ZFYVE27: variants seen among roughly 807,000 people sequenced by gnomAD.
The protein encoded by ZFYVE27 is zinc finger FYVE-type containing 27.
Under a neutral mutation model 52.8 loss-of-function variants are expected in ZFYVE27, and 36 were observed. The observed-to-expected ratio is 0.68, with a 90% CI of 0.52 to 0.90. ZFYVE27 has a LOEUF of 0.90. Among genes scored for constraint, ZFYVE27 ranks in the 40% least tolerant of loss-of-function variants. The pLI is 0.00. For missense variants in ZFYVE27, 450 were observed against 527.2 expected, an observed-to-expected ratio of 0.85 and a Z score of 1.43; for synonymous variants, 223 against 215.6, an observed-to-expected ratio of 1.03 and a Z score of -0.30.
At chr10:97,741,884 A>G (rs2043756450) in intron 2 of ZFYVE27, among the ~76,000 whole-genome samples, 1 of 152,158 alleles carries the variant, frequency 6.6e-6, no homozygotes, top group African/African-American at 2.4e-5. Context: ...TAATCCCAGC[A>G]CTTTGGGAGG....
chr10:97,757,891 A>G (rs2048791211), intron 12 of ZFYVE27, 168 bp downstream of exon 12: 7 of 617,860 alleles, frequency 1.1e-5, no homozygotes, highest in South Asian at 5.8e-5. Context: ...CATTTGGTAC[A>G]TGCCGAAGAA....
chr10:97,757,816 G>A (rs2048758372), intron 12 of ZFYVE27, 93 bp downstream of exon 12: 1 of 1,334,380 alleles, frequency 7.5e-7, no homozygotes, highest in Non-Finnish European at 1.1e-6. Flanking sequence ...GAGGTCAAGG[G>A]AACTTGGGAT....
chr10:97,748,726 T>C (rs2046140025), intron 5 of ZFYVE27, among the ~76,000 whole-genome samples: 1 of 152,242 alleles, frequency 6.6e-6, no homozygotes, highest in Non-Finnish European at 1.5e-5. Context: ...TATCATTATA[T>C]TAAAGATGAT....
In ZFYVE27 at chr10:97,760,126, C is replaced by T. The variant is rs1241168541; in HGVS notation, c.*826C>T. The T allele has an allele frequency of 2.0e-5, 3 of 152,434 alleles. No individual in the cohort carries two copies. The highest frequency in any genetic ancestry group is 7.2e-5 in the African/African-American group (3 of 41,478). The allele number at this position is 152,434 out of a possible 1,614,324, so 9.4% of individuals were successfully genotyped here. ...TGCACCCTCTGTCCAGAGTCTAGGG[C>T]AGTCCTCCACTGGCCCAGCACTCCA... On this transcript the variant is annotated 3_prime_UTR_variant, in exon 13 of 13. Coordinates refer to ENST00000684270, the MANE Select transcript of ZFYVE27 (RefSeq NM_001385875.1).
chr10:97,745,703 A>G (rs2045113749), intron 4 of ZFYVE27, among the ~76,000 whole-genome samples: 1 of 152,346 alleles, frequency 6.6e-6, no homozygotes, highest in East Asian at 1.9e-4. Context: ...GTACTGGGGA[A>G]GTGTTGAGTA....
chr10:97,749,711 A>C, intron 6 of ZFYVE27, 125 bp downstream of exon 6: 1 of 770,118 alleles, frequency 1.3e-6, no homozygotes, highest in Non-Finnish European at 2.3e-6. Context: ...GCAACACCAC[A>C]CTGGGGTCCT....
At chr10:97,749,363 T>C in intron 5 of ZFYVE27, 111 bp from the exon 6 acceptor site, 1 of 815,396 alleles carries the variant, frequency 1.2e-6, no homozygotes, top group Non-Finnish European at 2.2e-6. Context: ...TGTCAGTTTA[T>C]TAATGTGCCC....
intron 4 of ZFYVE27, among the ~76,000 whole-genome samples, chr10:97,747,733 T>C (rs2045851122): frequency 6.6e-6 from 1 of 152,194 alleles, no homozygotes; most frequent in Non-Finnish European, 1.5e-5. Context: ...TATACTTCCC[T>C]GCCCCAGCCC....
intron 2 of ZFYVE27, among the ~76,000 whole-genome samples, chr10:97,741,024 G>A (rs1589995718): frequency 6.6e-6 from 1 of 152,200 alleles, no homozygotes; most frequent in Non-Finnish European, 1.5e-5. Flanking sequence ...TACCCTGGTA[G>A]CTGCCACTAG....
At position 97,748,365 on chromosome 10, in the gene ZFYVE27, G is replaced by A. The variant is rs2136146524; in HGVS notation, c.551+1G>A. The A allele has an allele frequency of 6.2e-7, 1 of 1,613,872 alleles. No individual in the cohort carries two copies. Among genetic ancestry groups the A allele is most frequent in the South Asian group, 1.1e-5 (1 of 91,028 alleles). On this transcript the variant is annotated splice_donor_variant, in intron 5 of 12. Transcript: ENST00000684270. LOFTEE classifies it high-confidence loss of function. ...GGGAGAACCCCGTCGTGTCCTCACA[G>A]TGAGTGACCCCTCCTCTCCCGCCAC...
chr10:97,751,159 G>A (rs2046879529), intron 7 of ZFYVE27, among the ~76,000 whole-genome samples: 1 of 152,182 alleles, frequency 6.6e-6, no homozygotes, highest in African/African-American at 2.4e-5. Context: ...TAGAGCTCGT[G>A]CCTTCAACCA....
At chr10:97,746,432 A>G (rs1325085655) in intron 4 of ZFYVE27, among the ~76,000 whole-genome samples, 1 of 152,200 alleles carries the variant, frequency 6.6e-6, no homozygotes, top group Admixed American at 6.5e-5. Context: ...ACATTTTGCC[A>G]TGTTGGCTTC....
chr10:97,758,428 A>G (rs1389404811), intron 12 of ZFYVE27, among the ~76,000 whole-genome samples: 3 of 151,622 alleles, frequency 2.0e-5, no homozygotes, highest in African/African-American at 7.3e-5. Flanking sequence ...GGTTCAAGCA[A>G]TTCTCCTGCC....
At chr10:97,748,656 A>C (rs2136154352) in intron 5 of ZFYVE27, among the ~76,000 whole-genome samples, 1 of 152,330 alleles carries the variant, frequency 6.6e-6, no homozygotes, top group East Asian at 1.9e-4. Context: ...TGTCACATGC[A>C]TCTACTTTAC....
At chr10:97,742,984 T>C in intron 2 of ZFYVE27, 110 bp from the exon 3 acceptor site, 2 of 1,197,322 alleles carry the variant, frequency 1.7e-6, no homozygotes, top group Non-Finnish European at 2.5e-6. Flanking sequence ...CTTGACCTTC[T>C]GTGTTCCAGG....
rs939860928 is a variant in ZFYVE27, at chr10:97,744,582, G to A, written c.269-147G>A. ...TGGGTTAAGGGGGCTGGAGAGTAGG[G>A]GTGAGACACTGTGTCGTACAGAGCT... is the stretch of plus-strand genomic sequence containing the variant. On this transcript the variant is annotated intron_variant, in intron 3 of 12. Transcript: ENST00000684270. 33 of 875,350 alleles carry A rather than the reference G, an allele frequency of 3.8e-5. No individual in the cohort carries two copies. In the Admixed American group the frequency reaches 4.6e-4, roughly 12 times the overall value. The allele number at this position is 875,350 out of a possible 1,614,324, so 54.2% of individuals were successfully genotyped here.
At chr10:97,742,897 C>T (rs2044126339) in intron 2 of ZFYVE27, among the ~76,000 whole-genome samples, 197 bp from the exon 3 acceptor site, 3 of 152,196 alleles carry the variant, frequency 2.0e-5, no homozygotes, top group African/African-American at 7.2e-5. Context: ...AGTTTCCTCA[C>T]CCCAGGTGCT....
intron 5 of ZFYVE27, among the ~76,000 whole-genome samples, chr10:97,749,147 G>A (rs1379569224): frequency 6.6e-6 from 1 of 152,202 alleles, no homozygotes; most frequent in East Asian, 1.9e-4. Flanking sequence ...TTCTCAGAAT[G>A]AGAAGTGGCA....
chr10:97,749,719 CCT>C (rs1438690436), intron 6 of ZFYVE27, 133 bp downstream of exon 6: 9 of 749,060 alleles, frequency 1.2e-5, no homozygotes, highest in Non-Finnish European at 1.9e-5. Flanking sequence ...ACACTGGGGT[CCT>C]CTCTCATGGG....
Sources: gnomAD v4.1 joint callset for allele counts (sites outside exome capture counted in the v4.1 genomes callset) on GRCh38, gnomAD v4.1.1 for gene constraint, MANE v1.5 for transcripts, NCBI Gene and HGNC (gene_info 2026-07-23, HGNC 2026-07-21) for gene names.